ZBTB20: variants seen among roughly 807,000 people sequenced by gnomAD.
The protein encoded by ZBTB20 is zinc finger and BTB domain containing 20.
Under a neutral mutation model 56.9 loss-of-function variants are expected in ZBTB20, and 9 were observed. That is an observed-to-expected ratio of 0.16 (90% CI 0.10 to 0.28). ZBTB20 has a LOEUF of 0.28. Ranked by LOEUF, ZBTB20 falls within the 10% of genes least tolerant of loss-of-function variation. The pLI is 1.00. For synonymous variants in ZBTB20, 417 were observed against 420.7 expected (o/e 0.99, Z 0.11); for missense variants, 655 against 1,003.0 (o/e 0.65, Z 4.69).
chr3:115,125,346 TA>T (rs55740856), intron 1 of ZBTB20, among the ~76,000 whole-genome samples: 22,497 of 121,118 alleles, frequency 0.19, 2,191 homozygotes, highest in East Asian at 0.6. Flanking sequence ...CTGCCTCAAA[TA>T]AAAAAAAAAA....
intron 7 of ZBTB20, among the ~76,000 whole-genome samples, chr3:114,473,059 G>A (rs1280758135): frequency 3.9e-5 from 6 of 152,158 alleles, no homozygotes; most frequent in African/African-American, 2.4e-5. Context: ...CAAGGACTGC[G>A]TGCCTCAACA....
At position 114,490,010 on chromosome 3, in the gene ZBTB20, C is replaced by T. The variant is rs534364084; in HGVS notation, c.-255+10342G>A. 4.6e-5 allele frequency among the ~76,000 whole-genome samples: 7 copies of T among 152,306 alleles called. No individual in the cohort carries two copies. The South Asian group carries it at 1.0e-3, about 23-fold the overall frequency. ...TCCATATCTTCTCTTGCATTACCAG[C>T]ACCTGGAATTTATAATTAACCTATA... On this transcript the variant is annotated intron_variant, in intron 7 of 11. Transcript: ENST00000675478.
chr3:114,425,185 A>G (rs2089541607), intron 7 of ZBTB20, among the ~76,000 whole-genome samples: 1 of 150,312 alleles, frequency 6.7e-6, no homozygotes, highest in East Asian at 1.9e-4. Context: ...AGATTTTAAT[A>G]TCGCCTTCTC....
At chr3:114,563,392 T>A (rs1350025106) in intron 6 of ZBTB20, among the ~76,000 whole-genome samples, 1 of 152,222 alleles carries the variant, frequency 6.6e-6, no homozygotes, top group Non-Finnish European at 1.5e-5. Flanking sequence ...CTAAAATGTA[T>A]TAATCTTCGG....
chr3:114,571,385 G>A (rs1365640547), intron 6 of ZBTB20, among the ~76,000 whole-genome samples: 1 of 152,182 alleles, frequency 6.6e-6, no homozygotes, highest in African/African-American at 2.4e-5. Flanking sequence ...TCTCAAGTCA[G>A]CCCACTTTTG....
intron 3 of ZBTB20, among the ~76,000 whole-genome samples, chr3:114,918,124 C>G (rs1278532570): frequency 2.6e-5 from 4 of 152,134 alleles, no homozygotes; most frequent in South Asian, 2.1e-4. Flanking sequence ...ACAGAAGTCT[C>G]TTCTCTTGGA....
At chr3:114,522,904 T>C (rs2046799920) in intron 6 of ZBTB20, among the ~76,000 whole-genome samples, 1 of 152,170 alleles carries the variant, frequency 6.6e-6, no homozygotes, top group African/African-American at 2.4e-5. Flanking sequence ...AGATGTTGAA[T>C]AGGCAGCTGA....
chr3:114,466,852 A>G (rs1045175992), intron 7 of ZBTB20, among the ~76,000 whole-genome samples: 1 of 152,246 alleles, frequency 6.6e-6, no homozygotes, highest in African/African-American at 2.4e-5. Flanking sequence ...GAAATACCAC[A>G]TAACTAAAAC....
chr3:114,374,415 T>G (rs1184472482), intron 10 of ZBTB20, among the ~76,000 whole-genome samples: 1 of 152,254 alleles, frequency 6.6e-6, no homozygotes, highest in African/African-American at 2.4e-5. Context: ...AGCCATTGGA[T>G]AGTAACTGTC....
intron 11 of ZBTB20, among the ~76,000 whole-genome samples, chr3:114,348,088 G>C (rs1000313296): frequency 6.6e-6 from 1 of 152,098 alleles, no homozygotes; most frequent in African/African-American, 2.4e-5. Flanking sequence ...ATACTTTTTG[G>C]TAGTACATTG....
chr3:114,694,506 C>T (rs772408473), intron 5 of ZBTB20, among the ~76,000 whole-genome samples: 6 of 151,864 alleles, frequency 4.0e-5, no homozygotes, highest in Non-Finnish European at 7.4e-5. Context: ...ATCAGGAATT[C>T]GTGTAGCTAA....
intron 6 of ZBTB20, among the ~76,000 whole-genome samples, chr3:114,553,003 T>G (rs1440953371): frequency 6.6e-6 from 1 of 152,188 alleles, no homozygotes. Context: ...TCAATATAGC[T>G]TCACAAATTT....
At chr3:114,822,903 T>C (rs887711868) in intron 4 of ZBTB20, among the ~76,000 whole-genome samples, 2 of 152,104 alleles carry the variant, frequency 1.3e-5, no homozygotes, top group Admixed American at 1.3e-4. Flanking sequence ...TCCGTTGTCT[T>C]TGATGTTATG....
intron 5 of ZBTB20, among the ~76,000 whole-genome samples, chr3:114,699,911 G>A (rs745352470): frequency 1.5e-4 from 23 of 152,016 alleles, no homozygotes; most frequent in Non-Finnish European, 2.8e-4. Flanking sequence ...AAAGCTCACA[G>A]TTCATTTTTT....
At chr3:114,549,280 ACTTT>A (rs2050265590) in intron 6 of ZBTB20, among the ~76,000 whole-genome samples, 1 of 152,308 alleles carries the variant, frequency 6.6e-6, no homozygotes, top group Non-Finnish European at 1.5e-5. Flanking sequence ...ATGATAAAAT[ACTTT>A]CTTTAAGATG....
At chr3:114,891,091 A>G (rs2076789957) in intron 4 of ZBTB20, among the ~76,000 whole-genome samples, 1 of 152,064 alleles carries the variant, frequency 6.6e-6, no homozygotes, top group Admixed American at 6.5e-5. Flanking sequence ...AACAATGGCA[A>G]ATGGGTTTCC....
At chr3:114,376,326 G>A (rs1339547537) in intron 10 of ZBTB20, among the ~76,000 whole-genome samples, 1 of 152,198 alleles carries the variant, frequency 6.6e-6, no homozygotes. Flanking sequence ...AGAATCTGCT[G>A]TGATGCCAGC....
chr3:115,093,722 C>T (rs576448953), intron 1 of ZBTB20, among the ~76,000 whole-genome samples: 3 of 152,096 alleles, frequency 2.0e-5, no homozygotes, highest in African/African-American at 7.2e-5. Context: ...TAAAAATCTG[C>T]TCACAACTCC....
chr3:115,040,038 ACT>A (rs1313321381), intron 2 of ZBTB20, among the ~76,000 whole-genome samples: 1 of 152,170 alleles, frequency 6.6e-6, no homozygotes, highest in African/African-American at 2.4e-5. Context: ...ATTATTTCAC[ACT>A]GAGTATATAT....
Sources: gnomAD v4.1 joint callset for allele counts (sites outside exome capture counted in the v4.1 genomes callset) on GRCh38, gnomAD v4.1.1 for gene constraint, MANE v1.5 for transcripts, NCBI Gene and HGNC (gene_info 2026-07-23, HGNC 2026-07-21) for gene names.